Variants in MBD5 observed in about 807,000 individuals in gnomAD.
MBD5 encodes methyl-CpG binding domain protein 5, also known as methyl-CpG-binding domain protein 5.
Under a neutral mutation model 117.3 loss-of-function variants are expected in MBD5, and 13 were observed. That is an observed-to-expected ratio of 0.11 (90% CI 0.07 to 0.18). The LOEUF (loss-of-function observed/expected upper bound fraction) is 0.18, where lower values mean the gene tolerates loss of function less well. MBD5 is among the 10% of genes least tolerant of loss of function. The pLI is 1.00. For missense variants in MBD5, 1,879 were observed against 2,093.8 expected, an observed-to-expected ratio of 0.90 and a Z score of 2.00; for synonymous variants, 727 against 766.4, an observed-to-expected ratio of 0.95 and a Z score of 0.85.
intron 3 of MBD5, among the ~76,000 whole-genome samples, chr2:148,281,634 G>A (rs1229535514): frequency 6.6e-6 from 1 of 151,570 alleles, no homozygotes; most frequent in Non-Finnish European, 1.5e-5. Context: ...AGTTTTCCTC[G>A]AGTGCTTTGG....
chr2:148,224,913 A>AT (rs970447875), intron 2 of MBD5, among the ~76,000 whole-genome samples: 6 of 150,446 alleles, frequency 4.0e-5, no homozygotes, highest in African/African-American at 9.8e-5. Flanking sequence ...GGCATGGAAT[A>AT]TTTTTTTTTC....
chr2:148,162,514 G>A (rs1698030375), intron 1 of MBD5, among the ~76,000 whole-genome samples: 1 of 152,130 alleles, frequency 6.6e-6, no homozygotes, highest in Non-Finnish European at 1.5e-5. Context: ...AGGGTGATCT[G>A]TTTGAATTTA....
intron 1 of MBD5, among the ~76,000 whole-genome samples, chr2:148,126,511 C>G (rs2105440066): frequency 6.6e-6 from 1 of 152,096 alleles, no homozygotes; most frequent in Non-Finnish European, 1.5e-5. Context: ...ATATTACCTT[C>G]CAGCATTTGC....
At position 148,485,632 on chromosome 2, in the gene MBD5, C is replaced by T. The variant is rs1681312166; in HGVS notation, c.3545-110C>T. On this transcript the variant is annotated intron_variant, in intron 9 of 13. Transcript: ENST00000642680. ...AGAAGTAAAAAAGAAAAGCATTACC[C>T]AAGTAAGCATAGCACTTAGTTTCTG... 3 of 811,226 alleles carry T rather than the reference C, an allele frequency of 3.7e-6. No individual in the cohort carries two copies. The Admixed American group carries it at 6.1e-5, about 17-fold the overall frequency. The allele number at this position is 811,226 out of a possible 1,614,324, so 50.3% of individuals were successfully genotyped here.
intron 4 of MBD5, among the ~76,000 whole-genome samples, chr2:148,343,495 T>C (rs1703005684): frequency 6.6e-6 from 1 of 152,116 alleles, no homozygotes; most frequent in Non-Finnish European, 1.5e-5. Flanking sequence ...TATCTAATTA[T>C]GGTTTTGATT....
chr2:148,058,998 A>C (rs531792320), intron 1 of MBD5, among the ~76,000 whole-genome samples: 1 of 152,340 alleles, frequency 6.6e-6, no homozygotes, highest in Non-Finnish European at 1.5e-5. Context: ...GAGTAAATCA[A>C]TGAAAAGCTT....
intron 3 of MBD5, among the ~76,000 whole-genome samples, chr2:148,241,959 G>T (rs552372556): frequency 6.6e-6 from 1 of 152,216 alleles, no homozygotes; most frequent in South Asian, 2.1e-4. Context: ...GAATTACTGG[G>T]TCTTTTTACT....
chr2:148,419,404 A>AT (rs1270112812), intron 4 of MBD5, among the ~76,000 whole-genome samples: 1 of 152,130 alleles, frequency 6.6e-6, no homozygotes, highest in Non-Finnish European at 1.5e-5. Flanking sequence ...AAGCACATAT[A>AT]TTTTACTTTG....
At chr2:148,411,634 G>A (rs1442803259) in intron 4 of MBD5, among the ~76,000 whole-genome samples, 1 of 145,016 alleles carries the variant, frequency 6.9e-6, no homozygotes, top group Non-Finnish European at 1.5e-5. Flanking sequence ...TTTAATGCTT[G>A]GTTCCTTGGA....
At chr2:148,325,607 T>A (rs986311111) in intron 3 of MBD5, among the ~76,000 whole-genome samples, 11 of 152,218 alleles carry the variant, frequency 7.2e-5, no homozygotes, top group African/African-American at 2.4e-4. Flanking sequence ...TTCTAGATTT[T>A]CTAGTATATT....
At chr2:148,355,123 G>GT (rs1399376753) in intron 4 of MBD5, among the ~76,000 whole-genome samples, 3 of 95,224 alleles carry the variant, frequency 3.2e-5, no homozygotes, top group Non-Finnish European at 7.4e-5. Context: ...GGGGTTGTTT[G>GT]TTTTTTTTCT....
chr2:148,487,202 G>A (rs1681366022), intron 10 of MBD5, among the ~76,000 whole-genome samples: 1 of 152,158 alleles, frequency 6.6e-6, no homozygotes, highest in East Asian at 1.9e-4. Context: ...TCTGGAAGCT[G>A]TAAATATAAT....
chr2:148,030,726 G>A (rs1415489875), intron 1 of MBD5, among the ~76,000 whole-genome samples: 1 of 152,132 alleles, frequency 6.6e-6, no homozygotes, highest in Non-Finnish European at 1.5e-5. Flanking sequence ...TTCATGTAAT[G>A]ATTTTTGATG....
At chr2:148,380,701 C>T (rs1574356416) in intron 4 of MBD5, among the ~76,000 whole-genome samples, 2 of 152,258 alleles carry the variant, frequency 1.3e-5, no homozygotes, top group Middle Eastern at 3.4e-3. Flanking sequence ...CCCCGAGTAG[C>T]CTAACTGGGA....
At chr2:148,106,933 T>G (rs1696387780) in intron 1 of MBD5, among the ~76,000 whole-genome samples, 2 of 152,034 alleles carry the variant, frequency 1.3e-5, no homozygotes. Context: ...TACTCACATA[T>G]TTATCATATT....
intron 1 of MBD5, among the ~76,000 whole-genome samples, chr2:148,167,712 C>T (rs1698162174): frequency 6.6e-6 from 1 of 152,172 alleles, no homozygotes; most frequent in South Asian, 2.1e-4. Flanking sequence ...GACAACAGCT[C>T]ATCCCTCTGT....
chr2:148,431,571 C>G (rs1165744516), intron 4 of MBD5, among the ~76,000 whole-genome samples: 7 of 152,020 alleles, frequency 4.6e-5, no homozygotes, highest in African/African-American at 1.4e-4. Flanking sequence ...GCCCCAGTGT[C>G]TGTTGTTCTT....
chr2:148,236,718 C>G (rs1307093627), intron 3 of MBD5, among the ~76,000 whole-genome samples: 1 of 152,140 alleles, frequency 6.6e-6, no homozygotes, highest in Non-Finnish European at 1.5e-5. Flanking sequence ...TGGCTTGAAC[C>G]TAAAGTCACC....
intron 13 of MBD5, among the ~76,000 whole-genome samples, chr2:148,512,533 G>C (rs568968482): frequency 1.3e-5 from 2 of 152,280 alleles, no homozygotes; most frequent in African/African-American, 2.4e-5. Context: ...GACAGGGAAG[G>C]CTTTATTTTT....
Sources: gnomAD v4.1 joint callset for allele counts (sites outside exome capture counted in the v4.1 genomes callset) on GRCh38, gnomAD v4.1.1 for gene constraint, MANE v1.5 for transcripts, NCBI Gene and HGNC (gene_info 2026-07-23, HGNC 2026-07-21) for gene names.